DENND4C: variants seen among roughly 807,000 people sequenced by gnomAD.
DENND4C encodes the protein DENN domain containing 4C, also known as DENN domain-containing protein 4C.
DENND4C carries 108 observed loss-of-function variants against 203.0 expected under a neutral mutation model. The ratio of observed to expected loss-of-function variants is 0.53; its 90% CI spans 0.46 to 0.62. The LOEUF is 0.62. Among genes scored for constraint, DENND4C ranks in the 20% least tolerant of loss-of-function variants. DENND4C has a pLI of 0.00. For missense variants in DENND4C, 2,481 were observed against 2,301.2 expected (o/e 1.08, Z -1.60); for synonymous variants, 871 against 792.4 (o/e 1.10, Z -1.67).
At chr9:19,347,181 C>T (rs1307089385) in intron 23 of DENND4C, 95 bp downstream of exon 23, 2 of 1,272,938 alleles carry the variant, frequency 1.6e-6, no homozygotes. Context: ...ATTTCTGTGC[C>T]CAGGCTGGAG....
chr9:19,351,121 T>C (rs1018559770), intron 24 of DENND4C, among the ~76,000 whole-genome samples: 2 of 152,056 alleles, frequency 1.3e-5, no homozygotes, highest in African/African-American at 4.8e-5. Context: ...GCCCCATTTG[T>C]TGAAATGATT....
chr9:19,368,428 C>T lies in DENND4C; in HGVS notation c.5525-1409C>T, dbSNP rs143068792. On this transcript the variant is annotated intron_variant, in intron 30 of 32. Transcript: ENST00000434457. ...ACAGCCATGAGCCACTACACCCGGC[C>T]GAATTACGTTCCTTCTAATTAGCAC... is the stretch of plus-strand genomic sequence containing the variant. Among the ~76,000 whole-genome samples the T allele has an allele frequency of 5.5e-3, 836 of 152,050 alleles. 7 individuals carry two copies. The highest frequency in any genetic ancestry group is 0.019 in the African/African-American group (798 of 41,468).
At chr9:19,237,228 A>G (rs957987386) in intron 1 of DENND4C, among the ~76,000 whole-genome samples, 3 of 151,836 alleles carry the variant, frequency 2.0e-5, no homozygotes, top group South Asian at 4.2e-4. Flanking sequence ...CACCATGGCC[A>G]GGCTGGTCTT....
In DENND4C at chr9:19,352,442, A is replaced by G. The variant is rs777568324; in HGVS notation, c.4606-48A>G. ...TTATCTCAAGAGAATTCCTGTTAAG[A>G]TTAATTTTTATTAAACGTTCTCAGT... is the stretch of plus-strand genomic sequence containing the variant. On this transcript the variant is annotated intron_variant, in intron 25 of 32. Transcript: ENST00000434457. The G allele has an allele frequency of 4.7e-6, 7 of 1,482,828 alleles. No individual in the cohort carries two copies. The East Asian group carries it at 1.4e-4, about 29-fold the overall frequency. 91.9% of individuals were successfully genotyped at this position (1,482,828 alleles called of 1,614,324 possible).
intron 22 of DENND4C, among the ~76,000 whole-genome samples, chr9:19,344,987 A>G (rs1004465134): frequency 2.0e-5 from 3 of 152,116 alleles, no homozygotes; most frequent in African/African-American, 7.2e-5. Context: ...TAAGGGCTCT[A>G]ATCCCATTCA....
At chr9:19,341,214 A>T (rs1002234523) in intron 21 of DENND4C, 100 bp downstream of exon 21, 1 of 1,021,894 alleles carries the variant, frequency 9.8e-7, no homozygotes, top group Non-Finnish European at 1.4e-6. Flanking sequence ...TATTTTCACA[A>T]ATGTAAGGTC....
At chr9:19,311,307 G>A (rs1244359511) in intron 10 of DENND4C, among the ~76,000 whole-genome samples, 3 of 152,030 alleles carry the variant, frequency 2.0e-5, no homozygotes, top group African/African-American at 7.2e-5. Flanking sequence ...TGTATTTTTA[G>A]TAGAGACAGG....
At chr9:19,324,334 G>A in intron 12 of DENND4C, 28 bp from the exon 13 acceptor site, 1 of 1,548,938 alleles carries the variant, frequency 6.5e-7, no homozygotes, top group Non-Finnish European at 8.7e-7. Context: ...TTTAAAATTT[G>A]AATTTAATTA....
intron 2 of DENND4C, among the ~76,000 whole-genome samples, chr9:19,277,486 A>T (rs1329187239): frequency 1.3e-5 from 2 of 152,146 alleles, no homozygotes; most frequent in Non-Finnish European, 2.9e-5. Flanking sequence ...TGGTGTATAG[A>T]AATAGCTGAT....
chr9:19,246,440 T>G (rs1157703807), intron 1 of DENND4C, among the ~76,000 whole-genome samples: 1 of 152,176 alleles, frequency 6.6e-6, no homozygotes, highest in Admixed American at 6.6e-5. Flanking sequence ...AGAAAATTAT[T>G]ATTATTTTTT....
chr9:19,305,281 A>C, intron 9 of DENND4C, 71 bp from the exon 10 acceptor site: 1 of 1,344,576 alleles, frequency 7.4e-7, no homozygotes, highest in Non-Finnish European at 1.0e-6. Flanking sequence ...CCTTTTCAGT[A>C]ATACTAGTTA....
At position 19,335,151 on chromosome 9, in the gene DENND4C, G is replaced by A. The variant is rs372676761; in HGVS notation, c.2589+46G>A. ...GCAAGATGTGGTGTTTATTAAGAAT[G>A]ATTATTTTGTATACCTTTAGTTATT... On this transcript the variant is annotated intron_variant, in intron 18 of 32. Transcript: ENST00000434457. 62 of 1,377,910 alleles carry A rather than the reference G, an allele frequency of 4.5e-5. No individual in the cohort carries two copies. In the South Asian group the frequency reaches 5.8e-4, roughly 13 times the overall value. The allele number at this position is 1,377,910 out of a possible 1,614,324, so 85.4% of individuals were successfully genotyped here.
chr9:19,317,232 G>T (rs1842011917), intron 12 of DENND4C, among the ~76,000 whole-genome samples: 1 of 148,452 alleles, frequency 6.7e-6, no homozygotes. Context: ...TGTTGGCCAG[G>T]CTGGACTTGA....
At chr9:19,260,260 ACATT>A (rs1469630491) in intron 1 of DENND4C, among the ~76,000 whole-genome samples, 1 of 152,130 alleles carries the variant, frequency 6.6e-6, no homozygotes, top group African/African-American at 2.4e-5. Flanking sequence ...TACCTGTTTG[ACATT>A]CATATGTCTT....
intron 1 of DENND4C, among the ~76,000 whole-genome samples, chr9:19,246,239 A>C (rs1825220618): frequency 1.3e-5 from 2 of 151,454 alleles, no homozygotes; most frequent in African/African-American, 4.9e-5. Flanking sequence ...TTCTTTGTCA[A>C]CTCTGTAATT....
chr9:19,297,107 ATAATT>A (rs1329559248), intron 6 of DENND4C, among the ~76,000 whole-genome samples: 1 of 152,136 alleles, frequency 6.6e-6, no homozygotes, highest in Non-Finnish European at 1.5e-5. Context: ...ATGATAGTTT[ATAATT>A]TATGTATCCT....
At chr9:19,295,051 A>C (rs1306569529) in intron 5 of DENND4C, among the ~76,000 whole-genome samples, 1 of 152,176 alleles carries the variant, frequency 6.6e-6, no homozygotes, top group African/African-American at 2.4e-5. Flanking sequence ...GGTACGTTTA[A>C]TGTTATATAT....
At chr9:19,368,528 A>C (rs529606523) in intron 30 of DENND4C, among the ~76,000 whole-genome samples, 2 of 152,178 alleles carry the variant, frequency 1.3e-5, no homozygotes, top group Non-Finnish European at 2.9e-5. Flanking sequence ...TGAAGTTATT[A>C]GGCTAGGCAA....
rs566483452 is a variant in DENND4C, at chr9:19,263,318, C to G, written c.-17-12840C>G. 3.9e-5 allele frequency among the ~76,000 whole-genome samples: 6 copies of G among 152,124 alleles called. No homozygotes were observed. In the South Asian group the frequency reaches 1.2e-3, roughly 32 times the overall value. On this transcript the variant is annotated intron_variant, in intron 1 of 32. Coordinates refer to ENST00000434457, the MANE Select transcript of DENND4C (RefSeq NM_001330640.2). ...GTCATGTTGAATAATCTTTTTAATA[C>G]GTTGTTGAATTTGGTTTGCTTGTTG...
Sources: allele counts gnomAD v4.1 joint callset (sites outside exome capture counted in the v4.1 genomes callset), GRCh38; gene constraint gnomAD v4.1.1; transcripts MANE v1.5; gene names NCBI Gene and HGNC (gene_info 2026-07-23, HGNC 2026-07-21).